CHST9: variants seen among roughly 807,000 people sequenced by gnomAD.
CHST9 encodes GalNAc-4-sulfotransferase 2.
In CHST9, 41 loss-of-function variants were observed where a neutral mutation model predicts 44.4. The ratio of observed to expected loss-of-function variants is 0.92; its 90% CI spans 0.72 to 1.20. The LOEUF is 1.20. CHST9 is among the 50% of genes most tolerant of loss of function. The pLI is 0.00. For synonymous variants in CHST9, 171 were observed against 178.4 expected, an observed-to-expected ratio of 0.96 and a Z score of 0.33; for missense variants, 504 against 516.5, an observed-to-expected ratio of 0.98 and a Z score of 0.23.
intron 2 of CHST9, among the ~76,000 whole-genome samples, chr18:27,094,418 A>C (rs766804041): frequency 3.3e-5 from 5 of 152,216 alleles, no homozygotes; most frequent in Non-Finnish European, 4.4e-5. Context: ...AGAAAATGTA[A>C]AAAGCCTTTC....
At chr18:27,160,300 T>A (rs1298454124) in intron 1 of CHST9, among the ~76,000 whole-genome samples, 1 of 152,196 alleles carries the variant, frequency 6.6e-6, no homozygotes, top group Non-Finnish European at 1.5e-5. Flanking sequence ...ACCTAATTTA[T>A]TGAGAGTTTT....
intron 4 of CHST9, among the ~76,000 whole-genome samples, chr18:27,017,922 A>G (rs1368499689): frequency 6.6e-6 from 1 of 152,226 alleles, no homozygotes; most frequent in Non-Finnish European, 1.5e-5. Context: ...AAATTTATCA[A>G]CTTAGTTTAT....
chr18:26,971,983 C>A (rs963748006), intron 4 of CHST9, among the ~76,000 whole-genome samples: 38 of 151,930 alleles, frequency 2.5e-4, no homozygotes, highest in African/African-American at 2.9e-4. Flanking sequence ...AGTATTATGG[C>A]GGAAAAAAAG....
chr18:26,992,713 A>G (rs73402840), intron 4 of CHST9, among the ~76,000 whole-genome samples: 1 of 152,112 alleles, frequency 6.6e-6, no homozygotes, highest in Non-Finnish European at 1.5e-5. Context: ...ATTTCACATG[A>G]TGCGTTAACA....
intron 1 of CHST9, among the ~76,000 whole-genome samples, chr18:27,179,100 CTCTCTA>C (rs72404913): frequency 0.062 from 7,406 of 118,744 alleles, 202 homozygotes; most frequent in Non-Finnish European, 0.074. Context: ...CTCTCTCTCT[CTCTCTA>C]TATATATATA....
chr18:26,930,989 C>G (rs2055868749), intron 5 of CHST9, among the ~76,000 whole-genome samples: 1 of 152,056 alleles, frequency 6.6e-6, no homozygotes, highest in Non-Finnish European at 1.5e-5. Flanking sequence ...CCACCCATTA[C>G]CTACTAGTCC....
chr18:26,943,568 AC>A (rs1475517906), intron 5 of CHST9, among the ~76,000 whole-genome samples: 1 of 152,218 alleles, frequency 6.6e-6, no homozygotes, highest in Non-Finnish European at 1.5e-5. Flanking sequence ...TATGGGTGAA[AC>A]CCAAGCATAT....
rs181578074 is a variant in CHST9 at position 26,972,250 on chromosome 18, G to C, written c.203-27884C>G. ...CACGGGCCTGTAGTCCCAGCTACTC[G>C]GGAGGGTGAGGCAAGAGAATCACTT... On this transcript the variant is annotated intron_variant, in intron 4 of 5. Coordinates refer to ENST00000618847, the MANE Select transcript of CHST9 (RefSeq NM_031422.6). Among the ~76,000 whole-genome samples, 33 of 151,272 alleles carry C rather than the reference G, an allele frequency of 2.2e-4. No homozygotes were observed. The East Asian group carries it at 5.3e-3, about 24-fold the overall frequency.
At chr18:26,963,654 A>G (rs1431822142) in intron 4 of CHST9, among the ~76,000 whole-genome samples, 2 of 152,126 alleles carry the variant, frequency 1.3e-5, no homozygotes, top group Non-Finnish European at 2.9e-5. Context: ...AATATTTTGT[A>G]AAAGTAGAAT....
chr18:26,916,426 C>A lies in CHST9; in HGVS notation c.1165G>T (p.Glu389Ter). 1 of 1,613,738 alleles carries A rather than the reference C, an allele frequency of 6.2e-7. No individual in the cohort carries two copies. Among genetic ancestry groups the A allele is most frequent in the Non-Finnish European group, 8.5e-7 (1 of 1,179,730 alleles). Residue 389 changes from glutamate to a stop codon, truncating the protein, a stop_gained, in exon 6 of 6, where the codon GAG (glutamate) becomes TAG (stop). Coordinates refer to ENST00000618847, the MANE Select transcript of CHST9 (RefSeq NM_031422.6). LOFTEE classifies it high-confidence loss of function. ...YFLQMIGAPK[E>*]LKFPNFKDRH... Reference sequence around the variant, plus strand: ...TCCTTAAAGTTGGGAAATTTCAGCTCCTTTGGAGCACCGATCATCTGTAAA... The same window carrying A: ...TCCTTAAAGTTGGGAAATTTCAGCTACTTTGGAGCACCGATCATCTGTAAA...
chr18:26,975,276 T>C (rs1443368474), intron 4 of CHST9, among the ~76,000 whole-genome samples: 1 of 152,144 alleles, frequency 6.6e-6, no homozygotes, highest in Non-Finnish European at 1.5e-5. Flanking sequence ...AGCCTGACTT[T>C]CCTTTTTACT....
At chr18:26,921,218 T>C (rs896972359) in intron 5 of CHST9, among the ~76,000 whole-genome samples, 2 of 152,218 alleles carry the variant, frequency 1.3e-5, no homozygotes, top group African/African-American at 4.8e-5. Context: ...TGAGCCCTCA[T>C]GCAGACTAGA....
chr18:27,180,772 T>C (rs2058905715), intron 1 of CHST9, among the ~76,000 whole-genome samples: 1 of 152,180 alleles, frequency 6.6e-6, no homozygotes, highest in South Asian at 2.1e-4. Flanking sequence ...TTTAAGATTC[T>C]TTCCAGCTCT....
intron 2 of CHST9, among the ~76,000 whole-genome samples, chr18:27,115,197 C>T (rs2058309782): frequency 6.6e-6 from 1 of 152,146 alleles, no homozygotes; most frequent in South Asian, 2.1e-4. Context: ...ATTACCCAGT[C>T]TTGGGTGTTT....
chr18:27,041,885 A>G (rs2057449562), intron 3 of CHST9, among the ~76,000 whole-genome samples: 1 of 152,162 alleles, frequency 6.6e-6, no homozygotes, highest in South Asian at 2.1e-4. Flanking sequence ...TTCCATTTTG[A>G]GGAAGGGAAA....
chr18:27,009,943 T>G (rs1291960247), intron 4 of CHST9, among the ~76,000 whole-genome samples: 1 of 152,218 alleles, frequency 6.6e-6, no homozygotes, highest in Non-Finnish European at 1.5e-5. Flanking sequence ...CCAGAAGGCA[T>G]AGTTTCTAAA....
At chr18:27,161,047 T>G (rs4641833) in intron 1 of CHST9, among the ~76,000 whole-genome samples, 1 of 151,678 alleles carries the variant, frequency 6.6e-6, no homozygotes, top group Non-Finnish European at 1.5e-5. Flanking sequence ...TTTGTTGATC[T>G]TTTCAAAAAA....
intron 2 of CHST9, among the ~76,000 whole-genome samples, chr18:27,109,307 A>G (rs2058249692): frequency 6.6e-6 from 1 of 151,912 alleles, no homozygotes; most frequent in South Asian, 2.1e-4. Flanking sequence ...CTGCAAACCC[A>G]TAGGACACAA....
intron 2 of CHST9, among the ~76,000 whole-genome samples, chr18:27,089,035 A>G (rs2143707011): frequency 6.6e-6 from 1 of 152,374 alleles, no homozygotes; most frequent in African/African-American, 2.4e-5. Flanking sequence ...CAGCCTGGTT[A>G]GTTTTCCATA....
Sources: allele counts gnomAD v4.1 joint callset (sites outside exome capture counted in the v4.1 genomes callset), GRCh38; gene constraint gnomAD v4.1.1; transcripts MANE v1.5; gene names NCBI Gene and HGNC (gene_info 2026-07-23, HGNC 2026-07-21).